Variants in KHDRBS3 observed in about 807,000 individuals in gnomAD.
KHDRBS3 encodes the protein KH domain-containing, RNA-binding, signal transduction-associated protein 3.
Under a neutral mutation model 45.6 loss-of-function variants are expected in KHDRBS3, and 23 were observed. The observed-to-expected ratio is 0.50, with a 90% confidence interval of 0.36 to 0.72. KHDRBS3 has a LOEUF of 0.72. KHDRBS3 is among the 30% of genes least tolerant of loss of function. KHDRBS3 has a pLI of 0.00. For synonymous variants in KHDRBS3, 162 were observed against 156.5 expected, an observed-to-expected ratio of 1.04 and a Z score of -0.26; for missense variants, 352 against 424.8, an observed-to-expected ratio of 0.83 and a Z score of 1.51.
In KHDRBS3 at chr8:135,597,449, C is replaced by G. The variant is rs77965968; in HGVS notation, c.808-9506C>G. On this transcript the variant is annotated intron_variant, in intron 6 of 8. Transcript: ENST00000355849. ...TCATTCTATCTGAAATTCTCTCCCC[C>G]CTAGTCCCCTAAAATCCATGTGACC... Among the ~76,000 whole-genome samples, 693 of 152,254 alleles carry G rather than the reference C, an allele frequency of 4.6e-3. 4 individuals carry two copies. Among genetic ancestry groups the G allele is most frequent in the Middle Eastern group, 0.01 (3 of 294 alleles).
chr8:135,530,922 AAT>A (rs1449686939), intron 2 of KHDRBS3, among the ~76,000 whole-genome samples: 1 of 152,146 alleles, frequency 6.6e-6, no homozygotes, highest in Non-Finnish European at 1.5e-5. Context: ...TATCGATTGC[AAT>A]AGATTCTTTG....
chr8:135,636,991 C>T (rs1830841673), intron 7 of KHDRBS3, among the ~76,000 whole-genome samples: 1 of 152,214 alleles, frequency 6.6e-6, no homozygotes, highest in South Asian at 2.1e-4. Context: ...AGTAGGAGCA[C>T]TAGTGAACAA....
At chr8:135,639,619 AAAG>A (rs1830973280) in intron 7 of KHDRBS3, among the ~76,000 whole-genome samples, 1 of 152,206 alleles carries the variant, frequency 6.6e-6, no homozygotes, top group African/African-American at 2.4e-5. Flanking sequence ...GCATTGCCGT[AAAG>A]AAGTACCTGG....
At chr8:135,533,143 T>G (rs990526646) in intron 2 of KHDRBS3, among the ~76,000 whole-genome samples, 3 of 152,216 alleles carry the variant, frequency 2.0e-5, no homozygotes, top group Non-Finnish European at 2.9e-5. Context: ...TATTTATATG[T>G]GCCTGGTTGC....
intron 1 of KHDRBS3, among the ~76,000 whole-genome samples, chr8:135,484,207 T>C (rs112905026): frequency 1.2e-4 from 19 of 152,186 alleles, no homozygotes; most frequent in African/African-American, 3.9e-4. Context: ...ACTGACTGGG[T>C]AGACCCCTCT....
chr8:135,649,273 T>C (rs1460433025), downstream of KHDRBS3, among the ~76,000 whole-genome samples: 1 of 152,194 alleles, frequency 6.6e-6, no homozygotes, highest in African/African-American at 2.4e-5. Flanking sequence ...GTATTTGAGC[T>C]CTGCCACTTA....
At chr8:135,527,976 G>A (rs1430217081) in intron 2 of KHDRBS3, among the ~76,000 whole-genome samples, 1 of 152,150 alleles carries the variant, frequency 6.6e-6, no homozygotes, top group East Asian at 1.9e-4. Flanking sequence ...AAATGTGCCT[G>A]AGGTTTTTAC....
intron 7 of KHDRBS3, among the ~76,000 whole-genome samples, chr8:135,611,076 T>G (rs1441877215): frequency 2.0e-5 from 3 of 151,940 alleles, no homozygotes; most frequent in African/African-American, 7.3e-5. Flanking sequence ...TCAGGAAAGA[T>G]TCACTAAAAG....
At chr8:135,648,483 T>C (rs1449637798), downstream of KHDRBS3, 1 of 152,240 alleles carries the variant, frequency 6.6e-6, no homozygotes, top group African/African-American at 2.4e-5. Flanking sequence ...TTAATTTTTA[T>C]TTCTTGGGGG....
chr8:135,508,194 T>C (rs1364715528), intron 1 of KHDRBS3, among the ~76,000 whole-genome samples: 2 of 152,180 alleles, frequency 1.3e-5, no homozygotes, highest in African/African-American at 2.4e-5. Flanking sequence ...ATAGTGTCAG[T>C]GTGTTATGGT....
In KHDRBS3 at chr8:135,624,370, T is replaced by C. The variant is rs530699373; in HGVS notation, c.890+17333T>C. Among the ~76,000 whole-genome samples the C allele has an allele frequency of 1.2e-4, 18 of 152,334 alleles. No individual in the cohort carries two copies. The South Asian group carries it at 3.7e-3, about 32-fold the overall frequency. ...AATCCCCATTCAAATCCCAGAGATGTGGGCAAGTCCCCAAAAGTAGTTGTT... is the reference window on the plus strand; with the variant it reads ...AATCCCCATTCAAATCCCAGAGATGCGGGCAAGTCCCCAAAAGTAGTTGTT... On this transcript the variant is annotated intron_variant, in intron 7 of 8. Coordinates refer to ENST00000355849, the MANE Select transcript of KHDRBS3 (RefSeq NM_006558.3).
chr8:135,508,627 G>C lies in KHDRBS3; in HGVS notation c.89-12610G>C, dbSNP rs568613761. On this transcript the variant is annotated intron_variant, in intron 1 of 8. Coordinates refer to ENST00000355849, the MANE Select transcript of KHDRBS3 (RefSeq NM_006558.3). ...TAAAAATGTAGATTTTCCTTTTTCAGTCTTTAATAGTTACTCCCATCCCCT... is the reference window on the plus strand; with the variant it reads ...TAAAAATGTAGATTTTCCTTTTTCACTCTTTAATAGTTACTCCCATCCCCT... Among the ~76,000 whole-genome samples the C allele has an allele frequency of 3.7e-4, 56 of 152,244 alleles. 1 individual carries two copies. In the South Asian group the frequency reaches 0.012, roughly 32 times the overall value.
chr8:135,558,814 C>A (rs1315064745), intron 5 of KHDRBS3, among the ~76,000 whole-genome samples: 2 of 151,404 alleles, frequency 1.3e-5, no homozygotes, highest in Non-Finnish European at 2.9e-5. Flanking sequence ...GAAATGTATT[C>A]TCTGATCGTT....
intron 5 of KHDRBS3, among the ~76,000 whole-genome samples, chr8:135,565,068 C>T (rs373481810): frequency 2.0e-5 from 3 of 152,152 alleles, no homozygotes; most frequent in African/African-American, 4.8e-5. Context: ...CATTGGCTGT[C>T]GTGGATAATC....
intron 6 of KHDRBS3, among the ~76,000 whole-genome samples, chr8:135,602,006 T>TA (rs1232230740): frequency 2.6e-5 from 4 of 152,106 alleles, no homozygotes; most frequent in African/African-American, 9.7e-5. Flanking sequence ...AGTCCTCAGA[T>TA]AAAAAAATCT....
At position 135,457,766 on chromosome 8, in the gene KHDRBS3, C is replaced by G. The variant is rs933008054; in HGVS notation, c.-101C>G. 4.2e-6 allele frequency: 2 copies of G among 479,370 alleles called. No homozygotes were observed. The highest frequency in any genetic ancestry group is 6.0e-6 in the Non-Finnish European group (2 of 331,074). 29.7% of individuals were successfully genotyped at this position (479,370 alleles called of 1,614,324 possible). A position where few individuals can be genotyped will look rare whatever the true frequency, so the allele number is the denominator to read the frequency against. On this transcript the variant is annotated 5_prime_UTR_variant, in exon 1 of 9. Transcript: ENST00000355849. The surrounding 1 kb of genome is among the most constrained non-coding windows in gnomAD (Gnocchi z 4.4). ...TTGGCCGCTGCTGCCGCGTCTGGCCCCCGGGTCCCCGCCGCTGGGGGCGCG... is the reference window on the plus strand; with the variant it reads ...TTGGCCGCTGCTGCCGCGTCTGGCCGCCGGGTCCCCGCCGCTGGGGGCGCG...
chr8:135,523,685 G>A (rs1406654624), intron 2 of KHDRBS3, among the ~76,000 whole-genome samples: 2 of 152,162 alleles, frequency 1.3e-5, no homozygotes, highest in Admixed American at 6.5e-5. Flanking sequence ...TAATCAAGGA[G>A]GAAAGCATGC....
chr8:135,554,807 T>A (rs897468539), intron 4 of KHDRBS3, among the ~76,000 whole-genome samples: 1 of 152,202 alleles, frequency 6.6e-6, no homozygotes, highest in Non-Finnish European at 1.5e-5. Flanking sequence ...AAAAATTTTT[T>A]AAAATAAATA....
intron 1 of KHDRBS3, among the ~76,000 whole-genome samples, chr8:135,487,622 A>C (rs1027290356): frequency 6.6e-6 from 1 of 152,232 alleles, no homozygotes; most frequent in Admixed American, 6.5e-5. Context: ...GAGTTTTCAC[A>C]GGAATGGTAC....
Sources: gnomAD v4.1 joint callset for allele counts (sites outside exome capture counted in the v4.1 genomes callset) on GRCh38, gnomAD v4.1.1 for gene constraint, Gnocchi (gnomAD v3.1) non-coding constraint, MANE v1.5 for transcripts, NCBI Gene and HGNC (gene_info 2026-07-23, HGNC 2026-07-21) for gene names.